Variants in EML6 observed in about 807,000 individuals in gnomAD.
The protein encoded by EML6 is echinoderm microtubule-associated protein-like 6.
A neutral mutation model predicts 240.1 loss-of-function variants in EML6; 154 were observed. The observed-to-expected ratio is 0.64, with a 90% CI of 0.56 to 0.73. The LOEUF (loss-of-function observed/expected upper bound fraction) is 0.73, where lower values mean the gene tolerates loss of function less well. Ranked by LOEUF, EML6 falls within the 30% of genes least tolerant of loss-of-function variation. EML6 has a pLI of 0.00. For missense variants in EML6, 2,964 were observed against 2,474.6 expected, an observed-to-expected ratio of 1.20 and a Z score of -4.20; for synonymous variants, 1,148 against 899.0, an observed-to-expected ratio of 1.28 and a Z score of -4.95.
intron 2 of EML6, among the ~76,000 whole-genome samples, chr2:54,804,784 C>T: frequency 6.6e-6 from 1 of 152,334 alleles, no homozygotes; most frequent in South Asian, 2.1e-4. Context: ...CAGGACTGTT[C>T]TCTCTGGTGG....
chr2:54,732,377 G>C (rs980670849), intron 2 of EML6, among the ~76,000 whole-genome samples: 1 of 151,814 alleles, frequency 6.6e-6, no homozygotes, highest in Non-Finnish European at 1.5e-5. Context: ...CTAATCCAAG[G>C]TCATCAAGAT....
chr2:54,906,064 T>G (rs1673314717), intron 24 of EML6, among the ~76,000 whole-genome samples: 1 of 152,226 alleles, frequency 6.6e-6, no homozygotes, highest in South Asian at 2.1e-4. Context: ...TGCTGAATCA[T>G]ATGGTAGTTC....
chr2:54,782,636 G>A (rs1013149875), intron 2 of EML6, among the ~76,000 whole-genome samples: 2 of 149,802 alleles, frequency 1.3e-5, no homozygotes. Flanking sequence ...ATCATAAAGG[G>A]TTATAAGTAT....
chr2:54,766,170 C>G (rs1668182058), intron 2 of EML6, among the ~76,000 whole-genome samples: 1 of 152,170 alleles, frequency 6.6e-6, no homozygotes, highest in South Asian at 2.1e-4. Context: ...ACAAGGACTT[C>G]TTTTGTGTAA....
At chr2:54,898,897 C>G (rs1015170555) in intron 21 of EML6, among the ~76,000 whole-genome samples, 1 of 152,062 alleles carries the variant, frequency 6.6e-6, no homozygotes, top group African/African-American at 2.4e-5. Flanking sequence ...GTTAAGTGTT[C>G]GTTATAAAAA....
chr2:54,795,949 C>G (rs1202088551), intron 2 of EML6, among the ~76,000 whole-genome samples: 1 of 152,022 alleles, frequency 6.6e-6, no homozygotes, highest in Non-Finnish European at 1.5e-5. Context: ...CACTGGTGGG[C>G]TACAACTGTT....
intron 2 of EML6, among the ~76,000 whole-genome samples, chr2:54,789,873 G>T (rs906326407): frequency 3.9e-5 from 6 of 152,198 alleles, no homozygotes; most frequent in African/African-American, 1.4e-4. Context: ...TAAGTACAGG[G>T]AGAGCTTTAT....
At chr2:54,906,810 T>C (rs1217623082) in intron 24 of EML6, among the ~76,000 whole-genome samples, 2 of 152,218 alleles carry the variant, frequency 1.3e-5, no homozygotes. Flanking sequence ...ATGCCTGATC[T>C]CGAGAATGTG....
chr2:54,935,180 G>A (rs1009999882), intron 28 of EML6, among the ~76,000 whole-genome samples: 4 of 152,092 alleles, frequency 2.6e-5, no homozygotes, highest in African/African-American at 4.8e-5. Flanking sequence ...TGTACGTGTC[G>A]TTTTTGTAGT....
In EML6 at chr2:54,829,472, A is replaced by C. The variant is rs943385437; in HGVS notation, c.842A>C (p.Tyr281Ser). ...GATCTCAGGGAGACAGAACAAGGAT[A>C]CAAAGGTAATATATGTGTTAAGCTT... ...KIDLRETEQGYKGLSIRSVCW... is the reference protein window; with the variant it reads ...KIDLRETEQGSKGLSIRSVCW... Residue 281 changes from tyrosine to serine, a missense_variant, in exon 7 of 42, where the codon TAC becomes TCC. Transcript: ENST00000356458. 3 of 1,551,070 alleles carry C rather than the reference A, an allele frequency of 1.9e-6. No homozygotes were observed. The Admixed American group carries it at 5.9e-5, about 30-fold the overall frequency.
At chr2:54,870,079 A>C (rs1671173222) in intron 15 of EML6, among the ~76,000 whole-genome samples, 3 of 152,196 alleles carry the variant, frequency 2.0e-5, no homozygotes, top group African/African-American at 7.2e-5. Context: ...TGAGTGTTTA[A>C]TTGCAGATAA....
rs962733331 is a variant in EML6, at chr2:54,882,871, A to AAAAAAAAAAAAAAAAAAAAAAAAG, written c.2438+3234_2438+3235insAAAAAAAAAAAAAAAAAAAAGAAA. The stretch of plus-strand genomic sequence containing the variant: ...AGACTCCGTCTCAAAAAAAAAAAAA[A>AAAAAAAAAAAAAAAAAAAAAAAAG]AAAGAAAGCTTAGGGACACACTAAG... On this transcript the variant is annotated intron_variant, in intron 17 of 41. Transcript: ENST00000356458. The AAAAAAAAAAAAAAAAAAAAAAAAG allele has an allele frequency of 1.8e-4, 23 of 128,832 alleles. 2 individuals are homozygous for AAAAAAAAAAAAAAAAAAAAAAAAG. The highest frequency in any genetic ancestry group is 4.4e-4 in the East Asian group (2 of 4,506). 8.0% of individuals were successfully genotyped at this position (128,832 alleles called of 1,614,324 possible).
chr2:54,944,058 G>C (rs373573964), intron 28 of EML6, among the ~76,000 whole-genome samples: 18 of 152,010 alleles, frequency 1.2e-4, no homozygotes, highest in African/African-American at 3.4e-4. Context: ...CCCCTTACAT[G>C]CTGTTGGTCC....
chr2:54,762,057 T>C (rs1251208297), intron 2 of EML6, among the ~76,000 whole-genome samples: 2 of 152,188 alleles, frequency 1.3e-5, no homozygotes, highest in Non-Finnish European at 2.9e-5. Flanking sequence ...TAATTGCCTT[T>C]AGGGCAATTT....
intron 2 of EML6, among the ~76,000 whole-genome samples, chr2:54,733,566 G>A (rs183977835): frequency 7.2e-5 from 11 of 152,234 alleles, no homozygotes; most frequent in Admixed American, 2.6e-4. Flanking sequence ...GCATCACAGG[G>A]ATTCACGTCT....
intron 10 of EML6, among the ~76,000 whole-genome samples, chr2:54,853,228 C>T (rs901659024): frequency 6.6e-6 from 1 of 152,096 alleles, no homozygotes; most frequent in Non-Finnish European, 1.5e-5. Flanking sequence ...TGATAAAAGT[C>T]ATTTCATTAA....
intron 28 of EML6, among the ~76,000 whole-genome samples, chr2:54,945,305 T>C (rs1310609576): frequency 1.1e-5 from 1 of 89,062 alleles, no homozygotes; most frequent in East Asian, 4.3e-4. Flanking sequence ...CTCTCTCCCC[T>C]CCCCCTCCCC....
chr2:54,907,891 TTAGA>T (rs148724641), intron 24 of EML6, among the ~76,000 whole-genome samples: 2,331 of 148,032 alleles, frequency 0.016, 72 homozygotes, highest in African/African-American at 0.058. Context: ...ATTAGATAGA[TTAGA>T]TAGATTAGAT....
chr2:54,887,211 T>G (rs1047024569), intron 17 of EML6, among the ~76,000 whole-genome samples: 24 of 152,224 alleles, frequency 1.6e-4, no homozygotes, highest in African/African-American at 4.8e-5. Context: ...CAGCTCCCCA[T>G]CACCACATTT....
Sources: gnomAD v4.1 joint callset for allele counts (sites outside exome capture counted in the v4.1 genomes callset) on GRCh38, gnomAD v4.1.1 for gene constraint, MANE v1.5 for transcripts, NCBI Gene and HGNC (gene_info 2026-07-23, HGNC 2026-07-21) for gene names.